Variants in PLEKHG1 observed in about 807,000 individuals in gnomAD.
The protein encoded by PLEKHG1 is pleckstrin homology and RhoGEF domain containing G1.
Under a neutral mutation model 100.8 loss-of-function variants are expected in PLEKHG1, and 44 were observed. The ratio of observed to expected loss-of-function variants is 0.44; its 90% confidence interval spans 0.34 to 0.56. The LOEUF is 0.56. Among genes scored for constraint, PLEKHG1 ranks in the 20% least tolerant of loss-of-function variants. PLEKHG1 has a pLI of 0.01. For missense variants in PLEKHG1, 1,545 were observed against 1,720.9 expected (o/e 0.90, Z 1.81); for synonymous variants, 640 against 662.5 (o/e 0.97, Z 0.52).
chr6:150,816,181 G>C (rs1775940378), intron 10 of PLEKHG1, among the ~76,000 whole-genome samples: 1 of 151,872 alleles, frequency 6.6e-6, no homozygotes, highest in Non-Finnish European at 1.5e-5. Context: ...ATCTTATTTT[G>C]GTCACTGTCA....
At chr6:150,767,367 A>G (rs1403880231) in intron 2 of PLEKHG1, among the ~76,000 whole-genome samples, 2 of 152,224 alleles carry the variant, frequency 1.3e-5, no homozygotes, top group African/African-American at 4.8e-5. Context: ...CGAGGTGACT[A>G]CTTTCTTAAG....
In PLEKHG1 at chr6:150,610,203, G is replaced by T. The variant is rs528338984; in HGVS notation, c.-204+10186G>T. ...TGCAACGTCTGCCTCCTGGGTTCAA[G>T]CGATTTTCCTGCCTCAGCCTCCCGA... is the stretch of plus-strand genomic sequence containing the variant. On this transcript the variant is annotated intron_variant, in intron 1 of 3. Coordinates refer to the PLEKHG1 transcript ENST00000367326. 2.0e-5 allele frequency among the ~76,000 whole-genome samples: 3 copies of T among 152,334 alleles called. No homozygotes were observed. In the East Asian group the frequency reaches 5.8e-4, roughly 29 times the overall value.
At chr6:150,655,286 A>G (rs1297702204) in intron 3 of PLEKHG1, among the ~76,000 whole-genome samples, 1 of 152,218 alleles carries the variant, frequency 6.6e-6, no homozygotes, top group Non-Finnish European at 1.5e-5. Flanking sequence ...TACTGGGTAT[A>G]TACCCAAAGG....
intron 2 of PLEKHG1, among the ~76,000 whole-genome samples, chr6:150,750,087 T>TAAA (rs1783416366): frequency 1.4e-5 from 2 of 145,708 alleles, no homozygotes; most frequent in South Asian, 2.2e-4. Flanking sequence ...AAAAAGAAAA[T>TAAA]ATCTACTAGA....
intron 3 of PLEKHG1, among the ~76,000 whole-genome samples, chr6:150,701,659 T>G (rs1185388893): frequency 7.3e-6 from 1 of 136,190 alleles, no homozygotes; most frequent in Non-Finnish European, 1.6e-5. Context: ...TGTGTCCAGG[T>G]GTTCTCACTG....
chr6:150,693,929 G>A (rs928268663), intron 3 of PLEKHG1, among the ~76,000 whole-genome samples: 3 of 152,136 alleles, frequency 2.0e-5, no homozygotes, highest in East Asian at 1.9e-4. Context: ...AAGCTGTGTC[G>A]CGTGATAGTT....
rs375464343 is a variant in PLEKHG1, at chr6:150,665,047, A to G, written c.-99+14261A>G. Among the ~76,000 whole-genome samples the G allele has an allele frequency of 3.3e-5, 5 of 152,188 alleles. No individual in the cohort carries two copies. The East Asian group carries it at 9.6e-4, about 29-fold the overall frequency. On this transcript the variant is annotated intron_variant, in intron 3 of 3. Coordinates refer to the PLEKHG1 transcript ENST00000367326. ...AGAGATAGGTTGCAACCGGGAGAAC[A>G]GGCTCCTTGGGGTATTTAGTGCCCG...
At chr6:150,696,062 G>C (rs551511724) in intron 3 of PLEKHG1, among the ~76,000 whole-genome samples, 1 of 152,272 alleles carries the variant, frequency 6.6e-6, no homozygotes, top group East Asian at 1.9e-4. Context: ...TTACATGGAG[G>C]GGGCAGAAGA....
chr6:150,766,007 T>G lies in PLEKHG1; in HGVS notation c.412-2631T>G, dbSNP rs369036094. On this transcript the variant is annotated intron_variant, in intron 2 of 15. Transcript: ENST00000358517. ...CTTGGATATTTTCAATAACACATAT[T>G]ACAAGGAATGAAAAAGTTAATTAGA... is the stretch of plus-strand genomic sequence containing the variant. Among the ~76,000 whole-genome samples the G allele has an allele frequency of 3.7e-4, 56 of 152,276 alleles. 1 individual carries two copies. Among genetic ancestry groups the G allele is most frequent in the African/African-American group, 1.2e-3 (50 of 41,554 alleles).
At chr6:150,674,062 T>C (rs1779660678) in intron 3 of PLEKHG1, among the ~76,000 whole-genome samples, 1 of 151,948 alleles carries the variant, frequency 6.6e-6, no homozygotes, top group Non-Finnish European at 1.5e-5. Flanking sequence ...ATGAGGAATT[T>C]ATTTAAGGAA....
chr6:150,745,610 G>A (rs2128625195), intron 2 of PLEKHG1, among the ~76,000 whole-genome samples: 1 of 151,748 alleles, frequency 6.6e-6, no homozygotes, highest in African/African-American at 2.4e-5. Context: ...TTGAACCTGG[G>A]AGGCAGAGGT....
chr6:150,607,069 G>A (rs1205392928), intron 1 of PLEKHG1, among the ~76,000 whole-genome samples: 1 of 152,144 alleles, frequency 6.6e-6, no homozygotes, highest in African/African-American at 2.4e-5. Flanking sequence ...AAAGGCCCTT[G>A]TGTTTTAAGA....
chr6:150,726,254 G>C (rs1179060391), intron 1 of PLEKHG1, among the ~76,000 whole-genome samples: 1 of 152,160 alleles, frequency 6.6e-6, no homozygotes, highest in Non-Finnish European at 1.5e-5. Flanking sequence ...TAAGGAGGTA[G>C]ATCTTAAGTA....
intron 1 of PLEKHG1, among the ~76,000 whole-genome samples, chr6:150,724,915 C>T (rs1781886075): frequency 6.6e-6 from 1 of 152,202 alleles, no homozygotes; most frequent in African/African-American, 2.4e-5. Flanking sequence ...CACCCCTTAG[C>T]TAAGGCAATT....
intron 3 of PLEKHG1, among the ~76,000 whole-genome samples, chr6:150,653,414 T>G (rs1582889659): frequency 1.3e-5 from 2 of 152,052 alleles, no homozygotes; most frequent in Middle Eastern, 3.4e-3. Flanking sequence ...CCCACGTGTA[T>G]GTGAGATTCA....
chr6:150,812,807 G>A (rs1242759463), intron 10 of PLEKHG1, among the ~76,000 whole-genome samples: 1 of 152,050 alleles, frequency 6.6e-6, no homozygotes, highest in African/African-American at 2.4e-5. Context: ...AAGAGGATGG[G>A]ACACACAGGA....
chr6:150,660,078 T>C (rs1487062032), intron 3 of PLEKHG1, among the ~76,000 whole-genome samples: 1 of 152,040 alleles, frequency 6.6e-6, no homozygotes. Context: ...ATAATTTTTT[T>C]TTTTTTTTTT....
At chr6:150,685,333 A>G (rs1780081194) in intron 3 of PLEKHG1, among the ~76,000 whole-genome samples, 1 of 152,060 alleles carries the variant, frequency 6.6e-6, no homozygotes, top group African/African-American at 2.4e-5. Context: ...TTTTCCCTAG[A>G]GAGTAGGTGG....
chr6:150,709,091 T>C lies in PLEKHG1; in HGVS notation c.-98-24493T>C, dbSNP rs149525693. 6.8e-3 allele frequency among the ~76,000 whole-genome samples: 1,031 copies of C among 152,236 alleles called. 9 individuals carry two copies. The highest frequency in any genetic ancestry group is 0.024 in the African/African-American group (990 of 41,536). ...GCTCATGCCTGTAATCCCAACACTT[T>C]GGGAAGCCGAGGCGGACGGAACACA... On this transcript the variant is annotated intron_variant, in intron 3 of 3. Coordinates refer to the PLEKHG1 transcript ENST00000367326.
Sources: gnomAD v4.1 joint callset for allele counts (sites outside exome capture counted in the v4.1 genomes callset) on GRCh38, gnomAD v4.1.1 for gene constraint, MANE v1.5 for transcripts, NCBI Gene and HGNC (gene_info 2026-07-23, HGNC 2026-07-21) for gene names.